The following DOCK3 variants were observed in gnomAD, a reference collection of about 807,000 sequenced individuals.
DOCK3 encodes the protein dedicator of cytokinesis protein 3.
In DOCK3, 60 loss-of-function variants were observed where a neutral mutation model predicts 265.6. The ratio of observed to expected loss-of-function variants is 0.23; its 90% confidence interval spans 0.18 to 0.28. DOCK3 has a LOEUF of 0.28. Ranked by LOEUF, DOCK3 falls within the 10% of genes least tolerant of loss-of-function variation. The probability of loss-of-function intolerance (pLI) is 1.00; values close to 1 mark genes in which losing one functional copy is unlikely to be tolerated. For synonymous variants in DOCK3, 881 were observed against 938.0 expected, an observed-to-expected ratio of 0.94 and a Z score of 1.11; for missense variants, 1,981 against 2,594.3, an observed-to-expected ratio of 0.76 and a Z score of 5.14.
chr3:51,083,253 C>G (rs1406571701), intron 7 of DOCK3, among the ~76,000 whole-genome samples: 1 of 152,108 alleles, frequency 6.6e-6, no homozygotes, highest in Non-Finnish European at 1.5e-5. Context: ...GAATCAAATC[C>G]AAAGCACCCT....
At chr3:51,335,712 C>T (rs1288406457) in intron 35 of DOCK3, among the ~76,000 whole-genome samples, 1 of 152,192 alleles carries the variant, frequency 6.6e-6, no homozygotes, top group Non-Finnish European at 1.5e-5. Context: ...GAGTTGTTGG[C>T]CAGGCACAGT....
In DOCK3 at chr3:51,307,878, G is replaced by GTTTTTTTTTTTTTTTTTTTTTTTTT. The variant is rs1197872774; in HGVS notation, c.2923-2354_2923-2353insTTTTTTTTTTTTTTTTTTTTTTTTT. 1.2e-4 allele frequency among the ~76,000 whole-genome samples: 5 copies of GTTTTTTTTTTTTTTTTTTTTTTTTT among 42,022 alleles called. 2 individuals carry two copies. Among genetic ancestry groups the GTTTTTTTTTTTTTTTTTTTTTTTTT allele is most frequent in the Admixed American group, 1.7e-4 (1 of 5,788 alleles). 27.6% of individuals were successfully genotyped at this position (42,022 alleles called of 152,430 possible). On this transcript the variant is annotated intron_variant, in intron 27 of 52. Coordinates refer to ENST00000266037, the MANE Select transcript of DOCK3 (RefSeq NM_004947.5). ...TGCAGCTGGGATGTTAAATTATATG[G>GTTTTTTTTTTTTTTTTTTTTTTTTT]GTTTTTTTTTTTGTTTTTTTTTTCT...
At chr3:51,258,559 G>A (rs538688813) in intron 22 of DOCK3, among the ~76,000 whole-genome samples, 4 of 151,974 alleles carry the variant, frequency 2.6e-5, no homozygotes, top group African/African-American at 4.8e-5. Context: ...GCTGGAGTGC[G>A]GTGGCGTGAT....
intron 5 of DOCK3, among the ~76,000 whole-genome samples, chr3:51,054,373 G>A (rs1335108814): frequency 1.3e-5 from 2 of 151,982 alleles, no homozygotes; most frequent in Admixed American, 1.3e-4. Context: ...TTATTGACAA[G>A]TTGTTTTTTA....
intron 12 of DOCK3, among the ~76,000 whole-genome samples, chr3:51,198,820 G>C (rs2088494088): frequency 6.6e-6 from 1 of 152,152 alleles, no homozygotes; most frequent in Admixed American, 6.5e-5. Context: ...ACTTGGGTCA[G>C]GGGTTCAAGA....
chr3:51,197,543 T>C (rs1218326517), intron 12 of DOCK3, among the ~76,000 whole-genome samples: 1 of 152,096 alleles, frequency 6.6e-6, no homozygotes, highest in African/African-American at 2.4e-5. Context: ...GCCAGGAGTT[T>C]AGGAGAAGTA....
chr3:51,249,315 C>T (rs1175170556), intron 22 of DOCK3, among the ~76,000 whole-genome samples: 2 of 137,364 alleles, frequency 1.5e-5, no homozygotes, highest in East Asian at 4.7e-4. Context: ...CCGCCCCGTC[C>T]GGGAGGGAGG....
chr3:50,809,982 A>T (rs1337495193), intron 2 of DOCK3, among the ~76,000 whole-genome samples: 3 of 152,094 alleles, frequency 2.0e-5, no homozygotes, highest in Non-Finnish European at 4.4e-5. Context: ...TCTACAAAAA[A>T]TTTAAAAATT....
rs536220069 is a variant in DOCK3, at chr3:50,686,354, C to G, written c.37+11054C>G. On this transcript the variant is annotated intron_variant, in intron 1 of 52. Transcript: ENST00000266037. ...AATCTCAGGATATTCCGCCTTGACT[C>G]TAATCCAGAATGTATGGAGATTTGA... is the stretch of plus-strand genomic sequence containing the variant. 3.9e-5 allele frequency among the ~76,000 whole-genome samples: 6 copies of G among 152,324 alleles called. No individual in the cohort carries two copies. In the East Asian group the frequency reaches 1.2e-3, roughly 29 times the overall value.
At chr3:51,351,112 T>C (rs1356423341) in intron 40 of DOCK3, among the ~76,000 whole-genome samples, 1 of 152,186 alleles carries the variant, frequency 6.6e-6, no homozygotes, top group Non-Finnish European at 1.5e-5. Context: ...ACTCAGAGGC[T>C]CTAGGAGTAG....
chr3:51,199,481 G>T (rs2088561573), intron 12 of DOCK3, among the ~76,000 whole-genome samples: 1 of 152,242 alleles, frequency 6.6e-6, no homozygotes, highest in Non-Finnish European at 1.5e-5. Flanking sequence ...CAGCGAGGCT[G>T]GGGGAGGGGC....
chr3:51,185,411 T>C (rs2087539541), intron 12 of DOCK3, among the ~76,000 whole-genome samples: 1 of 152,134 alleles, frequency 6.6e-6, no homozygotes, highest in African/African-American at 2.4e-5. Flanking sequence ...GGAGCAGAGG[T>C]CCCTTTCTTA....
chr3:51,023,546 G>A (rs1359612847), intron 5 of DOCK3, among the ~76,000 whole-genome samples: 3 of 152,046 alleles, frequency 2.0e-5, no homozygotes, highest in African/African-American at 7.2e-5. Context: ...CTCCTGAGTA[G>A]CTGGTACTAC....
intron 1 of DOCK3, among the ~76,000 whole-genome samples, chr3:50,761,625 A>T (rs1416882246): frequency 2.0e-5 from 3 of 152,154 alleles, no homozygotes; most frequent in Non-Finnish European, 4.4e-5. Flanking sequence ...TTACCCTCTC[A>T]GTTGGATTCA....
intron 12 of DOCK3, among the ~76,000 whole-genome samples, chr3:51,161,843 G>T (rs926265304): frequency 1.3e-5 from 2 of 152,118 alleles, no homozygotes. Context: ...TTCTTCACTT[G>T]TGCCACTGGA....
intron 27 of DOCK3, among the ~76,000 whole-genome samples, chr3:51,298,369 C>T (rs1045239588): frequency 2.0e-5 from 3 of 152,068 alleles, no homozygotes; most frequent in African/African-American, 7.2e-5. Flanking sequence ...AAAGTTTGTC[C>T]ATCTTGTTGA....
chr3:51,019,094 A>AGTGGTGTCTT (rs1198778270), intron 5 of DOCK3, among the ~76,000 whole-genome samples: 1 of 151,810 alleles, frequency 6.6e-6, no homozygotes, highest in African/African-American at 2.4e-5. Flanking sequence ...CTAGGCTGTC[A>AGTGGTGTCTT]GTGGTGTCTT....
intron 4 of DOCK3, among the ~76,000 whole-genome samples, chr3:50,931,518 C>T (rs2051067331): frequency 6.6e-6 from 1 of 152,154 alleles, no homozygotes; most frequent in African/African-American, 2.4e-5. Context: ...TAACCAGTAG[C>T]TTGAAGAAAT....
At chr3:51,108,664 A>G (rs1026260519) in intron 9 of DOCK3, among the ~76,000 whole-genome samples, 2 of 152,234 alleles carry the variant, frequency 1.3e-5, no homozygotes, top group Non-Finnish European at 2.9e-5. Flanking sequence ...ATTGATACCC[A>G]TAGGCTAAAA....
Sources: gnomAD v4.1 joint callset for allele counts (sites outside exome capture counted in the v4.1 genomes callset) on GRCh38, gnomAD v4.1.1 for gene constraint, MANE v1.5 for transcripts, NCBI Gene and HGNC (gene_info 2026-07-23, HGNC 2026-07-21) for gene names.